ABL2: variants seen among roughly 807,000 people sequenced by gnomAD.
The protein encoded by ABL2 is tyrosine-protein kinase ABL2.
In ABL2, 49 loss-of-function variants were observed where a neutral mutation model predicts 107.7. The observed-to-expected ratio is 0.45, with a 90% CI of 0.36 to 0.58. The LOEUF (loss-of-function observed/expected upper bound fraction) is 0.58. Among genes scored for constraint, ABL2 ranks in the 20% least tolerant of loss-of-function variants. ABL2 has a pLI of 0.00. For synonymous variants in ABL2, 549 were observed against 548.6 expected, an observed-to-expected ratio of 1.00 and a Z score of -0.01; for missense variants, 1,245 against 1,457.0, an observed-to-expected ratio of 0.85 and a Z score of 2.37.
At chr1:179,146,672 G>A (rs1325283704) in intron 1 of ABL2, among the ~76,000 whole-genome samples, 1 of 151,968 alleles carries the variant, frequency 6.6e-6, no homozygotes, top group Non-Finnish European at 1.5e-5. Context: ...TGCTGTTCTC[G>A]TGATGGTGAG....
intron 1 of ABL2, among the ~76,000 whole-genome samples, chr1:179,207,238 A>T (rs565095595): frequency 6.7e-6 from 1 of 150,338 alleles, no homozygotes; most frequent in South Asian, 2.1e-4. Flanking sequence ...GTATTTTAGG[A>T]TCATTTCAAA....
At chr1:179,145,540 T>G (rs1352369054) in intron 1 of ABL2, among the ~76,000 whole-genome samples, 1 of 152,184 alleles carries the variant, frequency 6.6e-6, no homozygotes, top group Non-Finnish European at 1.5e-5. Flanking sequence ...GCATTTTCAG[T>G]TTTTGCAAAT....
At chr1:179,187,108 T>C (rs1187600603) in intron 1 of ABL2, among the ~76,000 whole-genome samples, 1 of 152,176 alleles carries the variant, frequency 6.6e-6, no homozygotes, top group Non-Finnish European at 1.5e-5. Flanking sequence ...GTCTAGTCTC[T>C]TTGTCTCTCT....
intron 1 of ABL2, among the ~76,000 whole-genome samples, chr1:179,198,639 G>A (rs1291128884): frequency 4.0e-5 from 5 of 123,976 alleles, no homozygotes; most frequent in Non-Finnish European, 6.4e-5. Flanking sequence ...GCTGCAGTGA[G>A]CCGAGATCAC....
intron 1 of ABL2, among the ~76,000 whole-genome samples, chr1:179,165,804 T>A (rs1476555544): frequency 4.6e-5 from 7 of 151,926 alleles, no homozygotes; most frequent in Non-Finnish European, 2.9e-5. Flanking sequence ...ACTTTATTTT[T>A]TTTTTTTCCA....
intron 1 of ABL2, among the ~76,000 whole-genome samples, chr1:179,202,718 G>A (rs929104278): frequency 1.3e-5 from 2 of 152,086 alleles, no homozygotes; most frequent in Non-Finnish European, 2.9e-5. Flanking sequence ...AACTTAATAT[G>A]AGCTCAACAG....
intron 10 of ABL2, 166 bp from the exon 11 acceptor site, chr1:179,110,621 G>A: frequency 6.6e-7 from 1 of 1,517,042 alleles, no homozygotes; most frequent in Non-Finnish European, 8.8e-7. Flanking sequence ...CTTTCGCCCA[G>A]TATCATGTGT....
chr1:179,136,901 A>T (rs1244900794), intron 1 of ABL2, among the ~76,000 whole-genome samples: 1 of 136,140 alleles, frequency 7.3e-6, no homozygotes, highest in Non-Finnish European at 1.6e-5. Flanking sequence ...GTGACAACAG[A>T]GTGAGACCCT....
At chr1:179,221,436 C>CA (rs1662859612) in intron 1 of ABL2, among the ~76,000 whole-genome samples, 1 of 152,038 alleles carries the variant, frequency 6.6e-6, no homozygotes, top group South Asian at 2.1e-4. Flanking sequence ...ACTGAAAATA[C>CA]AAAAATTAGC....
At chr1:179,190,635 G>A (rs1250972689) in intron 1 of ABL2, among the ~76,000 whole-genome samples, 4 of 151,998 alleles carry the variant, frequency 2.6e-5, no homozygotes, top group African/African-American at 9.7e-5. Context: ...GGGGGTGAGT[G>A]ATGAAAGCCC....
rs756823615 is a variant in ABL2, at chr1:179,121,861, CAT to C, written c.692_693del (p.Tyr231CysfsTer4). The C allele has an allele frequency of 6.4e-7, 1 of 1,572,786 alleles. No individual in the cohort carries two copies. Among genetic ancestry groups the C allele is most frequent in the Non-Finnish European group, 8.7e-7 (1 of 1,155,710 alleles). On this transcript the variant is annotated frameshift_variant, in exon 5 of 12. Coordinates refer to ENST00000502732, the MANE Select transcript of ABL2 (RefSeq NM_007314.4). LOFTEE classifies it high-confidence loss of function. ...GTGCTGAAGCGGCTCTCAGCAGTCA[CAT>C]ACACCTGGTAAGAAAAGGAGAAAAG... is the stretch of plus-strand genomic sequence containing the variant. ...RINTTADGKVYVTAESRFSTL... is the reference protein window; with the variant it reads ...RINTTADGKVXVTAESRFSTL...
At chr1:179,177,846 CT>C (rs1340192202) in intron 1 of ABL2, among the ~76,000 whole-genome samples, 1 of 152,170 alleles carries the variant, frequency 6.6e-6, no homozygotes, top group Non-Finnish European at 1.5e-5. Flanking sequence ...ATTAAAATTT[CT>C]TTTCCGTAAT....
intron 9 of ABL2, 142 bp downstream of exon 9, chr1:179,114,736 G>T: frequency 1.2e-6 from 1 of 818,358 alleles, no homozygotes; most frequent in Non-Finnish European, 1.8e-6. Flanking sequence ...TATGACAACT[G>T]GCTGATCAAT....
At chr1:179,187,938 G>A (rs1660767778) in intron 1 of ABL2, among the ~76,000 whole-genome samples, 1 of 152,032 alleles carries the variant, frequency 6.6e-6, no homozygotes, top group South Asian at 2.1e-4. Context: ...ACTTCCTTAT[G>A]ATATACAAAT....
intron 1 of ABL2, among the ~76,000 whole-genome samples, chr1:179,198,778 C>T (rs1309115119): frequency 1.4e-5 from 2 of 144,592 alleles, no homozygotes; most frequent in Non-Finnish European, 3.0e-5. Flanking sequence ...TCTTTTCAAA[C>T]ATGAAAACAT....
chr1:179,201,347 C>T (rs912960632), intron 1 of ABL2: 2 of 152,522 alleles, frequency 1.3e-5, no homozygotes, highest in African/African-American at 4.8e-5. Flanking sequence ...CTTTTTGTAA[C>T]TTATCAGCTA....
intron 1 of ABL2, among the ~76,000 whole-genome samples, chr1:179,146,195 G>C (rs1657976628): frequency 6.6e-6 from 1 of 152,206 alleles, no homozygotes; most frequent in Admixed American, 6.5e-5. Context: ...AAACTATGCA[G>C]TAGTTCAGCA....
At chr1:179,144,073 C>A (rs569888233) in intron 1 of ABL2, among the ~76,000 whole-genome samples, 1 of 152,226 alleles carries the variant, frequency 6.6e-6, no homozygotes, top group East Asian at 1.9e-4. Flanking sequence ...AATTTAAAAA[C>A]CTGAAAATGA....
chr1:179,135,743 T>A, intron 1 of ABL2, among the ~76,000 whole-genome samples: 2 of 122,772 alleles, frequency 1.6e-5, no homozygotes, highest in South Asian at 3.0e-4. Flanking sequence ...GGAGCCCCTC[T>A]GCCCGGCCAG....
Sources: allele counts gnomAD v4.1 joint callset (sites outside exome capture counted in the v4.1 genomes callset), GRCh38; gene constraint gnomAD v4.1.1; transcripts MANE v1.5; gene names NCBI Gene and HGNC (gene_info 2026-07-23, HGNC 2026-07-21).